The following SETX variants were observed in gnomAD, a reference collection of about 807,000 sequenced individuals.
SETX encodes helicase senataxin.
SETX carries 90 observed loss-of-function variants against 227.2 expected under a neutral mutation model. The observed-to-expected ratio is 0.40, with a 90% CI of 0.33 to 0.47. SETX has a LOEUF of 0.47. SETX is among the 20% of genes least tolerant of loss of function. The probability of loss-of-function intolerance (pLI) is 0.91; values close to 1 mark genes in which losing one functional copy is unlikely to be tolerated. For missense variants in SETX, 3,052 were observed against 3,181.5 expected (o/e 0.96, Z 0.98); for synonymous variants, 1,210 against 1,113.2 (o/e 1.09, Z -1.73).
chr9:132,296,681 A>G (rs562706329), intron 14 of SETX, among the ~76,000 whole-genome samples: 1 of 152,166 alleles, frequency 6.6e-6, no homozygotes, highest in East Asian at 1.9e-4. Context: ...TGTTTCACAT[A>G]AGATAGTGGT....
chr9:132,282,019 TAAAAAAA>T (rs71376633), intron 19 of SETX, among the ~76,000 whole-genome samples: 1 of 81,908 alleles, frequency 1.2e-5, no homozygotes, highest in Non-Finnish European at 2.5e-5. Flanking sequence ...ACTCCGTCTC[TAAAAAAA>T]AAAAAAAAAA....
chr9:132,283,137 T>A, intron 19 of SETX, 127 bp downstream of exon 19: 1 of 1,148,902 alleles, frequency 8.7e-7, no homozygotes, highest in Admixed American at 2.0e-5. Flanking sequence ...AATACACAGG[T>A]AATAGCAAGT....
At chr9:132,308,996 G>A (rs892447625) in intron 11 of SETX, among the ~76,000 whole-genome samples, 1 of 152,202 alleles carries the variant, frequency 6.6e-6, no homozygotes, top group South Asian at 2.1e-4. Context: ...AAATTTGCCA[G>A]GCATAGTGGT....
chr9:132,344,872 A>T (rs1007185440), intron 4 of SETX, among the ~76,000 whole-genome samples: 16 of 7,412 alleles, frequency 2.2e-3, no homozygotes, highest in African/African-American at 0.011. Flanking sequence ...GACTCTTTAA[A>T]AAAAAAAAAA....
chr9:132,304,769 A>ACTTT (rs1845223414), intron 11 of SETX, among the ~76,000 whole-genome samples: 1 of 151,274 alleles, frequency 6.6e-6, no homozygotes, highest in Non-Finnish European at 1.5e-5. Flanking sequence ...GGGCCAAGGC[A>ACTTT]GGAGGATAAC....
At chr9:132,274,291 ATC>A (rs1011078862) in intron 23 of SETX, among the ~76,000 whole-genome samples, 9 of 152,166 alleles carry the variant, frequency 5.9e-5, no homozygotes, top group African/African-American at 1.9e-4. Context: ...CAAAAAATGA[ATC>A]TGAGTGTTCT....
At chr9:132,275,690 C>G (rs2131169125) in intron 22 of SETX, among the ~76,000 whole-genome samples, 1 of 152,298 alleles carries the variant, frequency 6.6e-6, no homozygotes, top group Non-Finnish European at 1.5e-5. Flanking sequence ...AGTTTGAAAT[C>G]AACTGAAGTT....
intron 10 of SETX, among the ~76,000 whole-genome samples, chr9:132,318,156 T>C (rs1846104840): frequency 6.6e-6 from 1 of 152,206 alleles, no homozygotes; most frequent in South Asian, 2.1e-4. Context: ...TACTATCCAC[T>C]CCATTTCCTG....
rs190336646 is a variant in SETX at position 132,286,556 on chromosome 9, T to C, written c.6325-62A>G. On this transcript the variant is annotated intron_variant, in intron 17 of 25. Coordinates refer to ENST00000224140, the MANE Select transcript of SETX (RefSeq NM_015046.7). ...CTAAGCATTTTTAAATGCCTTCCAA[T>C]GGACTACCTCTAATTTTAAAAGAGC... is the stretch of plus-strand genomic sequence containing the variant. 9.1e-6 allele frequency: 10 copies of C among 1,101,322 alleles called. No homozygotes were observed. In the Admixed American group the frequency reaches 1.4e-4, roughly 15 times the overall value. The allele number at this position is 1,101,322 out of a possible 1,614,324, so 68.2% of individuals were successfully genotyped here. A position where few individuals can be genotyped will look rare whatever the true frequency, so the allele number is the denominator to read the frequency against.
chr9:132,335,866 T>G (rs1432353807), intron 6 of SETX, among the ~76,000 whole-genome samples: 2 of 152,182 alleles, frequency 1.3e-5, no homozygotes, highest in East Asian at 3.8e-4. Flanking sequence ...AATGACAGAA[T>G]AAGAACTGAG....
intron 15 of SETX, among the ~76,000 whole-genome samples, chr9:132,289,741 G>A (rs1278316335): frequency 6.6e-6 from 1 of 152,166 alleles, no homozygotes; most frequent in Non-Finnish European, 1.5e-5. Flanking sequence ...AGGGACACAA[G>A]ATGATAGAAA....
chr9:132,317,346 C>T (rs1407926898), intron 10 of SETX, among the ~76,000 whole-genome samples: 2 of 152,104 alleles, frequency 1.3e-5, no homozygotes, highest in African/African-American at 2.4e-5. Flanking sequence ...ATCGTGTCTC[C>T]TCCAATTATT....
Position 132,262,851 on chromosome 9 carries a change from A to G in SETX, c.*1388T>C, listed in dbSNP as rs1231549303. 6.6e-6 allele frequency: 1 copy of G among 152,230 alleles called. No individual in the cohort carries two copies. Among genetic ancestry groups the G allele is most frequent in the Admixed American group, 6.5e-5 (1 of 15,280 alleles). The allele number at this position is 152,230 out of a possible 1,614,324, so 9.4% of individuals were successfully genotyped here. A position where few individuals can be genotyped will look rare whatever the true frequency, so the allele number is the denominator to read the frequency against. The stretch of plus-strand genomic sequence containing the variant: ...CTATTTTCCTACCCCCAAATGAGAT[A>G]TGGGGCTGCACAGCATTCACTACAG... On this transcript the variant is annotated 3_prime_UTR_variant, in exon 26 of 26. Transcript: ENST00000224140.
intron 10 of SETX, among the ~76,000 whole-genome samples, chr9:132,319,222 C>T (rs1846181013): frequency 6.6e-6 from 1 of 152,144 alleles, no homozygotes; most frequent in Non-Finnish European, 1.5e-5. Context: ...TCTACAGCTC[C>T]CACCCAAATC....
At chr9:132,286,713 G>C (rs1843921938) in intron 17 of SETX, among the ~76,000 whole-genome samples, 1 of 152,226 alleles carries the variant, frequency 6.6e-6, no homozygotes, top group Non-Finnish European at 1.5e-5. Context: ...TGTCTGCTTA[G>C]CATTCCAGCA....
intron 20 of SETX, among the ~76,000 whole-genome samples, chr9:132,280,363 T>C (rs1448195009): frequency 6.6e-6 from 1 of 152,180 alleles, no homozygotes; most frequent in African/African-American, 2.4e-5. Context: ...CAATCTCTCT[T>C]TTCACTATAT....
In SETX at chr9:132,283,403, C is replaced by T. The variant is rs121434378; in HGVS notation, c.6407G>A (p.Arg2136His). The T allele has an allele frequency of 6.2e-7, 1 of 1,614,102 alleles. No homozygotes were observed. The highest frequency in any genetic ancestry group is 8.5e-7 in the Non-Finnish European group (1 of 1,179,994). The change falls in exon 19 of 26, where the codon CGC becomes CAC. Residue 2136 changes from arginine (R) to histidine (H), a missense_variant. Arg to His is a conservative substitution (Grantham distance 29). Coordinates refer to ENST00000224140, the MANE Select transcript of SETX (RefSeq NM_015046.7). ...GATGATACTCTGTGTTTTCTGTGGG[C>T]GTCCTTGAACCTAAGAGAACAAAGG... ...LASKIKEVQG[R>H]PQKTQSIIIL...
In SETX at chr9:132,295,858, C is replaced by G. The variant is rs73661157; in HGVS notation, c.6106+14G>C. On this transcript the variant is annotated intron_variant, in intron 15 of 25. Coordinates refer to ENST00000224140, the MANE Select transcript of SETX (RefSeq NM_015046.7). The stretch of plus-strand genomic sequence containing the variant: ...AAAACAAAAACAAATTTAAAATCCA[C>G]AAAAGTATCATACCTAAAGGATTCT... 6.2e-7 allele frequency: 1 copy of G among 1,609,982 alleles called. No homozygotes were observed. The highest frequency in any genetic ancestry group is 2.2e-5 in the East Asian group (1 of 44,820).
intron 18 of SETX, among the ~76,000 whole-genome samples, chr9:132,283,889 C>T (rs765260211): frequency 3.9e-5 from 6 of 152,266 alleles, no homozygotes; most frequent in Non-Finnish European, 8.8e-5. Flanking sequence ...GCCTGTGAAC[C>T]TGACAAATCC....
Sources: gnomAD v4.1 joint callset for allele counts (sites outside exome capture counted in the v4.1 genomes callset) on GRCh38, gnomAD v4.1.1 for gene constraint, MANE v1.5 for transcripts, NCBI Gene and HGNC (gene_info 2026-07-23, HGNC 2026-07-21) for gene names.